RABEP1: variants seen among roughly 807,000 people sequenced by gnomAD.
RABEP1 encodes rabaptin, RAB GTPase binding effector protein 1, also known as rab GTPase-binding effector protein 1.
RABEP1 carries 51 observed loss-of-function variants against 123.4 expected under a neutral mutation model. The observed-to-expected ratio is 0.41, with a 90% CI of 0.33 to 0.52. The LOEUF (loss-of-function observed/expected upper bound fraction) is 0.52. Among genes scored for constraint, RABEP1 ranks in the 20% least tolerant of loss-of-function variants. The pLI is 0.16. For missense variants in RABEP1, 888 were observed against 996.3 expected (o/e 0.89, Z 1.46); for synonymous variants, 347 against 355.2 (o/e 0.98, Z 0.26).
At chr17:5,353,172 G>A (rs1476372306) in intron 7 of RABEP1, among the ~76,000 whole-genome samples, 1 of 152,080 alleles carries the variant, frequency 6.6e-6, no homozygotes, top group Non-Finnish European at 1.5e-5. Flanking sequence ...ACATTACACA[G>A]AACTCCTCCA....
At chr17:5,368,726 A>C (rs1245201472) in intron 12 of RABEP1, among the ~76,000 whole-genome samples, 1 of 152,228 alleles carries the variant, frequency 6.6e-6, no homozygotes, top group African/African-American at 2.4e-5. Context: ...TAAACAGAAT[A>C]AACTATGGAC....
rs374438602 is a variant in RABEP1, at chr17:5,365,214, A to T, written c.1761A>T (p.Gln587His). 6.2e-6 allele frequency: 10 copies of T among 1,609,452 alleles called. No homozygotes were observed. Among genetic ancestry groups the T allele is most frequent in the South Asian group, 4.4e-5 (4 of 90,202 alleles). ...DKQELEDFIK[Q>H]SSEDSSHQIS... ...AGGAGCTGGAAGACTTCATAAAGCA[A>T]AGCAGCGAAGATTCGAGTCACCAGG... The change falls in exon 11 of 18, where the codon CAA becomes CAT. Residue 587 changes from glutamine (Q) to histidine (H), a missense_variant. Physicochemically the swap from Gln to His is conservative, Grantham distance 24 (BLOSUM62 0). Transcript: ENST00000537505.
intron 1 of RABEP1, among the ~76,000 whole-genome samples, chr17:5,302,165 AC>A (rs2075140804): frequency 6.6e-6 from 1 of 152,020 alleles, no homozygotes; most frequent in Non-Finnish European, 1.5e-5. Flanking sequence ...AATTTCAGAT[AC>A]TAGAAAATCT....
chr17:5,380,029 TG>T (rs1370248331), intron 15 of RABEP1, among the ~76,000 whole-genome samples: 1 of 152,226 alleles, frequency 6.6e-6, no homozygotes, highest in Admixed American at 6.5e-5. Context: ...GTCTTTGCCC[TG>T]TAAAAATGTA....
chr17:5,327,059 C>G (rs1906049313), intron 2 of RABEP1, among the ~76,000 whole-genome samples: 1 of 152,112 alleles, frequency 6.6e-6, no homozygotes, highest in Admixed American at 6.5e-5. Flanking sequence ...TTAAACATAG[C>G]TAAACAGGCT....
chr17:5,373,754 G>A (rs931214119), intron 13 of RABEP1, among the ~76,000 whole-genome samples: 31 of 142,694 alleles, frequency 2.2e-4, no homozygotes, highest in Admixed American at 1.1e-3. Flanking sequence ...GTAACACTTC[G>A]CCCTTTAGCT....
At chr17:5,378,498 G>A in intron 15 of RABEP1, 1 of 533,488 alleles carries the variant, frequency 1.9e-6, no homozygotes, top group Non-Finnish European at 3.4e-6. Flanking sequence ...AGATAGGCAA[G>A]GCATGGTCAT....
At chr17:5,334,495 G>A (rs890534368) in intron 3 of RABEP1, among the ~76,000 whole-genome samples, 3 of 152,162 alleles carry the variant, frequency 2.0e-5, no homozygotes, top group Non-Finnish European at 4.4e-5. Flanking sequence ...GCCTCCCAAA[G>A]TGCTGGGATT....
intron 12 of RABEP1, among the ~76,000 whole-genome samples, chr17:5,371,052 C>T (rs1341454082): frequency 6.6e-6 from 1 of 151,932 alleles, no homozygotes; most frequent in South Asian, 2.1e-4. Context: ...CTGCAAGCTC[C>T]GCCTCCCGGG....
Position 5,350,433 on chromosome 17 carries a change from G to T in RABEP1, c.785-18G>T. ...AAATTCAGTGTTTTTGATTTGTGGT[G>T]GGGGGGTTCCTAAACAGTTTGCCAT... On this transcript the variant is annotated intron_variant, in intron 6 of 17. Transcript: ENST00000537505. The T allele has an allele frequency of 6.3e-7, 1 of 1,586,744 alleles. No homozygotes were observed. Among genetic ancestry groups the T allele is most frequent in the South Asian group, 1.2e-5 (1 of 86,446 alleles).
At chr17:5,285,487 C>G (rs1394573650) in intron 1 of RABEP1, among the ~76,000 whole-genome samples, 1 of 152,006 alleles carries the variant, frequency 6.6e-6, no homozygotes, top group Non-Finnish European at 1.5e-5. Flanking sequence ...CTGATTGTTT[C>G]CTGTTAGTTA....
intron 2 of RABEP1, among the ~76,000 whole-genome samples, chr17:5,330,687 AT>A (rs201719596): frequency 1.3e-5 from 2 of 150,678 alleles, no homozygotes; most frequent in Non-Finnish European, 3.0e-5. Context: ...AAGATGAAGA[AT>A]TTTTTTTTTC....
Position 5,361,584 on chromosome 17 carries a change from C to T in RABEP1, c.1472C>T (p.Ser491Phe). 6.2e-7 allele frequency: 1 copy of T among 1,614,216 alleles called. No homozygotes were observed. Among genetic ancestry groups the T allele is most frequent in the Non-Finnish European group, 8.5e-7 (1 of 1,180,054 alleles). Residue 491 changes from serine to phenylalanine, a missense_variant, in exon 9 of 18, where the codon TCC (serine) becomes TTC (phenylalanine). Physicochemically the swap from Ser to Phe is radical, Grantham distance 155. Coordinates refer to ENST00000537505, the MANE Select transcript of RABEP1 (RefSeq NM_004703.6). ...PEQEETASLL[S>F]SVTQGMESAY... ...CAAGAAGAGACAGCGTCCCTCCTCTCCAGCGTTACCCAGGGCATGGAGAGT... is the reference window on the plus strand; with the variant it reads ...CAAGAAGAGACAGCGTCCCTCCTCTTCAGCGTTACCCAGGGCATGGAGAGT...
At position 5,381,371 on chromosome 17, in the gene RABEP1, A is replaced by G. The variant is rs1302431958; in HGVS notation, c.2371-18A>G. The G allele has an allele frequency of 6.2e-7, 1 of 1,605,790 alleles. No homozygotes were observed. The highest frequency in any genetic ancestry group is 1.1e-5 in the South Asian group (1 of 89,066). ...GGCCCTTTGGCATTAATCTTCATTC[A>G]AAACTTGTATTTTTTAGGCTACCGT... On this transcript the variant is annotated intron_variant, in intron 16 of 17. Coordinates refer to ENST00000537505, the MANE Select transcript of RABEP1 (RefSeq NM_004703.6).
At chr17:5,349,928 A>G (rs913089444) in intron 6 of RABEP1, among the ~76,000 whole-genome samples, 2 of 152,200 alleles carry the variant, frequency 1.3e-5, no homozygotes, top group African/African-American at 4.8e-5. Context: ...TACTAAGAAC[A>G]GAAATCTTTC....
intron 2 of RABEP1, among the ~76,000 whole-genome samples, chr17:5,313,527 C>T (rs2075265290): frequency 6.6e-6 from 1 of 152,124 alleles, no homozygotes; most frequent in Admixed American, 6.6e-5. Flanking sequence ...CCCAAAAACT[C>T]TGAAGAAATG....
At chr17:5,365,982 T>C (rs748786233) in intron 11 of RABEP1, among the ~76,000 whole-genome samples, 1 of 152,234 alleles carries the variant, frequency 6.6e-6, no homozygotes, top group Non-Finnish European at 1.5e-5. Flanking sequence ...TTTGAAATTT[T>C]TGTATAGGGC....
At chr17:5,307,241 C>G (rs1199511261) in intron 1 of RABEP1, among the ~76,000 whole-genome samples, 4 of 152,206 alleles carry the variant, frequency 2.6e-5, no homozygotes, top group Admixed American at 2.0e-4. Flanking sequence ...TTGCTTGAAC[C>G]TGGGAGGCAG....
At chr17:5,335,149 T>C (rs377280563) in intron 3 of RABEP1, 35 bp from the exon 4 acceptor site, 2 of 1,503,958 alleles carry the variant, frequency 1.3e-6, no homozygotes, top group Non-Finnish European at 1.8e-6. Flanking sequence ...TTTTTCATAA[T>C]GCTTAGATGT....
Sources: allele counts gnomAD v4.1 joint callset (sites outside exome capture counted in the v4.1 genomes callset), GRCh38; gene constraint gnomAD v4.1.1; transcripts MANE v1.5; gene names NCBI Gene and HGNC (gene_info 2026-07-23, HGNC 2026-07-21).